Variants in ZNRF2 observed in about 807,000 individuals in gnomAD.
ZNRF2 encodes E3 ubiquitin-protein ligase ZNRF2.
ZNRF2 carries 16 observed loss-of-function variants against 20.4 expected under a neutral mutation model. The ratio of observed to expected loss-of-function variants is 0.79; its 90% CI spans 0.53 to 1.19. The LOEUF is 1.19. Ranked by LOEUF, ZNRF2 falls within the 50% of genes most tolerant of loss-of-function variation. The pLI, the probability that ZNRF2 is intolerant of heterozygous loss-of-function variation, is 0.00. For synonymous variants in ZNRF2, 178 were observed against 144.9 expected (o/e 1.23, Z -1.64); for missense variants, 363 against 332.4 (o/e 1.09, Z -0.72).
At chr7:30,334,765 T>G (rs1562616170) in intron 2 of ZNRF2, among the ~76,000 whole-genome samples, 2 of 152,204 alleles carry the variant, frequency 1.3e-5, no homozygotes, top group Admixed American at 6.5e-5. Context: ...TGTGGCAACT[T>G]AAAGCTACAG....
At chr7:30,295,048 A>AGTGTGTGTGTGTGT (rs1562603702) in intron 1 of ZNRF2, among the ~76,000 whole-genome samples, 1 of 79,056 alleles carries the variant, frequency 1.3e-5, no homozygotes, top group Non-Finnish European at 2.4e-5. Flanking sequence ...AGAGAGAGAG[A>AGTGTGTGTGTGTGT]GAGTGTGTGT....
At position 30,285,383 on chromosome 7, in the gene ZNRF2, C is replaced by T; in HGVS notation, c.26C>T (p.Ala9Val). Reference sequence around the variant, plus strand: ...ATGGGCGCCAAACAGAGCGGCCCGGCCGCCGCTAACGGCCGCACGCGCGCG... The same window carrying T: ...ATGGGCGCCAAACAGAGCGGCCCGGTCGCCGCTAACGGCCGCACGCGCGCG... The part of the protein sequence containing the change: MGAKQSGP[A>V]AANGRTRAYS... Residue 9 changes from alanine (A) to valine (V), a missense_variant, in exon 1 of 5, where the codon GCC becomes GTC. Physicochemically the swap from Ala to Val is moderately conservative, Grantham distance 64 (BLOSUM62 0). This residue lies in a region of ZNRF2 where 302 missense variants were observed against 231.5 expected (regional missense o/e 1.30). Coordinates refer to ENST00000323037, the MANE Select transcript of ZNRF2 (RefSeq NM_147128.4). The T allele has an allele frequency of 3.2e-6, 4 of 1,235,792 alleles. No homozygotes were observed. The highest frequency in any genetic ancestry group is 4.1e-6 in the Non-Finnish European group (4 of 972,532). The allele number at this position is 1,235,792 out of a possible 1,614,324, so 76.6% of individuals were successfully genotyped here.
At chr7:30,329,112 A>G (rs1054710507) in intron 2 of ZNRF2, among the ~76,000 whole-genome samples, 2 of 152,182 alleles carry the variant, frequency 1.3e-5, no homozygotes, top group Non-Finnish European at 2.9e-5. Flanking sequence ...ACAAGCCAAC[A>G]AATTAAATAT....
chr7:30,348,682 A>G (rs900852244), intron 2 of ZNRF2, among the ~76,000 whole-genome samples: 4 of 152,210 alleles, frequency 2.6e-5, no homozygotes, highest in Admixed American at 6.5e-5. Context: ...TGATAGGACT[A>G]CATGTACCGG....
At chr7:30,300,974 T>G (rs1799104520) in intron 1 of ZNRF2, among the ~76,000 whole-genome samples, 1 of 152,234 alleles carries the variant, frequency 6.6e-6, no homozygotes, top group South Asian at 2.1e-4. Flanking sequence ...AATTTCAGCC[T>G]TGTGCAAGAG....
chr7:30,303,671 G>A (rs1470389651), intron 1 of ZNRF2, among the ~76,000 whole-genome samples: 4 of 152,164 alleles, frequency 2.6e-5, no homozygotes, highest in African/African-American at 9.7e-5. Context: ...AGTATGGGCT[G>A]GGTGCTTTAT....
At chr7:30,364,637 A>G (rs1800181197) in intron 4 of ZNRF2, among the ~76,000 whole-genome samples, 3 of 152,208 alleles carry the variant, frequency 2.0e-5, no homozygotes. Flanking sequence ...GTTTGAGACA[A>G]AACGAAACTG....
chr7:30,294,728 T>C (rs953666274), intron 1 of ZNRF2, among the ~76,000 whole-genome samples: 1 of 149,866 alleles, frequency 6.7e-6, no homozygotes, highest in African/African-American at 2.5e-5. Flanking sequence ...AAGGTTGCAG[T>C]GAGCCGAGAT....
chr7:30,317,684 G>T lies in ZNRF2; in HGVS notation c.470-5958G>T, dbSNP rs78140565. Among the ~76,000 whole-genome samples, 762 of 152,332 alleles carry T rather than the reference G, an allele frequency of 5.0e-3. 10 individuals carry two copies. Among genetic ancestry groups the T allele is most frequent in the African/African-American group, 0.017 (725 of 41,564 alleles). On this transcript the variant is annotated intron_variant, in intron 1 of 4. Transcript: ENST00000323037. Reference sequence around the variant, plus strand: ...GCAAAAGAGGGCCAACAGCCAGGATGCTGTGACAGAAAGCTCAAAGCCTAG... The same window carrying T: ...GCAAAAGAGGGCCAACAGCCAGGATTCTGTGACAGAAAGCTCAAAGCCTAG...
At chr7:30,302,275 G>T in intron 1 of ZNRF2, among the ~76,000 whole-genome samples, 1 of 152,174 alleles carries the variant, frequency 6.6e-6, no homozygotes, top group Non-Finnish European at 1.5e-5. Flanking sequence ...TTGTATTTTC[G>T]CTGGCTTAAA....
At chr7:30,303,228 A>G (rs571353225) in intron 1 of ZNRF2, among the ~76,000 whole-genome samples, 6 of 151,076 alleles carry the variant, frequency 4.0e-5, no homozygotes, top group Admixed American at 3.3e-4. Flanking sequence ...ACACCACTGC[A>G]CTCCAGCTTG....
intron 1 of ZNRF2, among the ~76,000 whole-genome samples, chr7:30,302,788 A>T (rs1409401117): frequency 6.6e-6 from 1 of 152,036 alleles, no homozygotes; most frequent in Non-Finnish European, 1.5e-5. Flanking sequence ...ACCACTACTA[A>T]TGCTTTCAGA....
At chr7:30,312,001 T>A (rs1164376433) in intron 1 of ZNRF2, among the ~76,000 whole-genome samples, 1 of 152,168 alleles carries the variant, frequency 6.6e-6, no homozygotes, top group Admixed American at 6.6e-5. Context: ...TATTTAAGAT[T>A]TTAAGGCCCC....
chr7:30,318,291 C>T (rs901404528), intron 1 of ZNRF2, among the ~76,000 whole-genome samples: 2 of 152,062 alleles, frequency 1.3e-5, no homozygotes, highest in Non-Finnish European at 1.5e-5. Context: ...TCCCTGGTTA[C>T]CTTTATTTCT....
Position 30,355,778 on chromosome 7 carries a change from T to C in ZNRF2, c.616T>C (p.Leu206=), listed in dbSNP as rs781092627. The change falls in exon 3 of 5, where the codon TTG becomes CTG. Residue 206 remains leucine (L), a synonymous_variant. Transcript: ENST00000323037. ...AGECAICLEE[L]QQGDTIARLP... is the part of the protein sequence containing the mutation. ...GGAATGTGCAATATGCCTTGAAGAA[T>C]TGCAGCAGGGAGATACTATAGCACG... 8 of 1,613,698 alleles carry C rather than the reference T, an allele frequency of 5.0e-6. No homozygotes were observed. The highest frequency in any genetic ancestry group is 1.3e-5 in the African/African-American group (1 of 75,024).
chr7:30,313,962 A>G (rs894992337), intron 1 of ZNRF2, among the ~76,000 whole-genome samples: 1 of 152,148 alleles, frequency 6.6e-6, no homozygotes, highest in African/African-American at 2.4e-5. Context: ...ATTATAAATT[A>G]AGGATGCCTT....
At chr7:30,319,931 T>G (rs141544880) in intron 1 of ZNRF2, among the ~76,000 whole-genome samples, 1 of 152,252 alleles carries the variant, frequency 6.6e-6, no homozygotes, top group African/African-American at 2.4e-5. Context: ...TCACACTGTT[T>G]ACATTTGTAA....
Position 30,311,289 on chromosome 7 carries a change from A to C in ZNRF2, c.470-12353A>C, listed in dbSNP as rs189439364. 5.9e-5 allele frequency among the ~76,000 whole-genome samples: 9 copies of C among 152,296 alleles called. No homozygotes were observed. The East Asian group carries it at 1.7e-3, about 29-fold the overall frequency. The stretch of plus-strand genomic sequence containing the variant: ...GTAATTTCTTTACGAGTAACTTTTA[A>C]GATAGATAGTAAATAGGCTGTAGGA... On this transcript the variant is annotated intron_variant, in intron 1 of 4. Coordinates refer to ENST00000323037, the MANE Select transcript of ZNRF2 (RefSeq NM_147128.4).
intron 1 of ZNRF2, among the ~76,000 whole-genome samples, chr7:30,294,762 G>T (rs1424425162): frequency 6.6e-6 from 1 of 150,788 alleles, no homozygotes; most frequent in Non-Finnish European, 1.5e-5. Context: ...TCCAGCCTGG[G>T]TGACAGAGCA....
Sources: allele counts gnomAD v4.1 joint callset (sites outside exome capture counted in the v4.1 genomes callset), GRCh38; gene constraint gnomAD v4.1.1; regional missense constraint gnomAD v4.1.1; transcripts MANE v1.5; gene names NCBI Gene and HGNC (gene_info 2026-07-23, HGNC 2026-07-21).